The following OLAH variants were observed in gnomAD, a reference collection of about 807,000 sequenced individuals.
OLAH encodes the protein oleoyl-ACP hydrolase, also known as S-acyl fatty acid synthase thioesterase, medium chain.
Under a neutral mutation model 27.8 loss-of-function variants are expected in OLAH, and 33 were observed. The ratio of observed to expected loss-of-function variants is 1.19; its 90% CI spans 0.90 to 1.59. The LOEUF is 1.59. Among genes scored for constraint, OLAH ranks in the 40% most tolerant of loss-of-function variants. OLAH has a pLI of 0.00. For missense variants in OLAH, 359 were observed against 310.8 expected (o/e 1.16, Z -1.17); for synonymous variants, 120 against 102.9 (o/e 1.17, Z -1.01).
intron 6 of OLAH, among the ~76,000 whole-genome samples, chr10:15,067,450 A>G (rs180804518): frequency 1.3e-5 from 2 of 152,324 alleles, no homozygotes; most frequent in East Asian, 3.9e-4. Context: ...CTGGCACACA[A>G]CAAACCATGA....
At chr10:15,032,807 G>A (rs972279494) in intron 1 of OLAH, among the ~76,000 whole-genome samples, 5 of 152,116 alleles carry the variant, frequency 3.3e-5, no homozygotes, top group African/African-American at 9.7e-5. Context: ...AATGAAATCT[G>A]GCCCCATATT....
exon 1 of OLAH, chr10:15,032,313 C>T (rs372734154): frequency 2.6e-5 from 4 of 152,188 alleles, no homozygotes; most frequent in African/African-American, 7.2e-5. Context: ...GCTCCTCAGC[C>T]TGCAGATGGC....
chr10:15,054,191 C>T (rs569922512), intron 3 of OLAH, among the ~76,000 whole-genome samples: 23 of 152,190 alleles, frequency 1.5e-4, no homozygotes, highest in Middle Eastern at 6.8e-3. Context: ...CAGGAGCCTG[C>T]CACCATGCCC....
intron 6 of OLAH, among the ~76,000 whole-genome samples, chr10:15,066,608 TA>T (rs1361349315): frequency 0.013 from 146 of 10,958 alleles, 1 homozygote; most frequent in African/African-American, 0.07. Flanking sequence ...ATTTTTATTT[TA>T]TTTATTTATT....
At chr10:15,059,789 G>A (rs549920534) in intron 3 of OLAH, among the ~76,000 whole-genome samples, 1 of 152,282 alleles carries the variant, frequency 6.6e-6, no homozygotes, top group African/African-American at 2.4e-5. Context: ...CTGAGAAAGA[G>A]TGCAAGACTC....
chr10:15,043,216 C>T (rs138914893), upstream of OLAH, among the ~76,000 whole-genome samples: 35 of 152,122 alleles, frequency 2.3e-4, 1 homozygote, highest in East Asian at 6.4e-3. Context: ...TTTTTTTAAT[C>T]TTCAAAATAG....
In OLAH at chr10:15,061,765, G is replaced by C; in HGVS notation, c.205G>C (p.Glu69Gln). The change falls in exon 4 of 8, where the codon GAA becomes CAA. Residue 69 changes from glutamate to glutamine, a missense_variant. By Grantham distance (29) the Glu-to-Gln change is conservative. Transcript: ENST00000378228. ...RLPGRESRVEEPLENDISQLV... is the reference protein window; with the variant it reads ...RLPGRESRVEQPLENDISQLV... ...TCCTGGAAGAGAAAGCAGAGTTGAA[G>C]AACCTCTTGAAAATGACATCTCCCA... 6.2e-7 allele frequency: 1 copy of C among 1,613,636 alleles called. No homozygotes were observed. The highest frequency in any genetic ancestry group is 8.5e-7 in the Non-Finnish European group (1 of 1,179,820).
At chr10:15,062,398 A>C (rs1844385658) in intron 4 of OLAH, among the ~76,000 whole-genome samples, 1 of 152,102 alleles carries the variant, frequency 6.6e-6, no homozygotes, top group African/African-American at 2.4e-5. Context: ...GGTCAAGCAG[A>C]AATTGAAAAA....
intron 3 of OLAH, among the ~76,000 whole-genome samples, chr10:15,052,635 G>C (rs534082681): frequency 1.4e-5 from 2 of 146,660 alleles, no homozygotes; most frequent in Non-Finnish European, 3.0e-5. Context: ...TTTACTGTTT[G>C]TTGTCTTGCT....
intron 1 of OLAH, among the ~76,000 whole-genome samples, chr10:15,035,951 G>C (rs1843835028): frequency 6.6e-6 from 1 of 152,090 alleles, no homozygotes; most frequent in Non-Finnish European, 1.5e-5. Context: ...AAGAAACCCA[G>C]GCCCAGAATG....
At chr10:15,052,648 A>C (rs745701513) in intron 3 of OLAH, among the ~76,000 whole-genome samples, 1 of 125,344 alleles carries the variant, frequency 8.0e-6, no homozygotes. Flanking sequence ...GTCTTGCTTC[A>C]GATTTTGTTA....
chr10:15,053,279 A>G (rs1390260388), intron 3 of OLAH, among the ~76,000 whole-genome samples: 1 of 152,052 alleles, frequency 6.6e-6, no homozygotes, highest in East Asian at 1.9e-4. Flanking sequence ...ATAATTAGTC[A>G]CCGCCGGTTC....
Position 15,049,654 on chromosome 10 carries a change from T to C in OLAH, c.52T>C (p.Cys18Arg). ...KRTRNENIFN[C>R]LYKNPEATFK... ...CCCTAGGAATGAAAACATTTTCAAC[T>C]GCTTATACAAAAACCCTGAGGCAAC... Residue 18 changes from cysteine to arginine, a missense_variant, in exon 3 of 8, where the codon TGC becomes CGC. Transcript: ENST00000378228. 4 of 1,592,084 alleles carry C rather than the reference T, an allele frequency of 2.5e-6. No individual in the cohort carries two copies. Among genetic ancestry groups the C allele is most frequent in the Non-Finnish European group, 3.4e-6 (4 of 1,172,434 alleles).
intron 4 of OLAH, among the ~76,000 whole-genome samples, chr10:15,064,160 T>A (rs1326204): frequency 1.3e-5 from 2 of 152,110 alleles, no homozygotes; most frequent in Admixed American, 6.6e-5. Flanking sequence ...GAAATTTAAA[T>A]TAATTTGAAG....
intron 7 of OLAH, 90 bp downstream of exon 7, chr10:15,071,967 C>A: frequency 1.1e-6 from 1 of 900,542 alleles, no homozygotes; most frequent in Non-Finnish European, 1.8e-6. Context: ...AGAGTCTCGC[C>A]CTGTCACCCA....
chr10:15,053,065 T>G (rs939549963), intron 3 of OLAH, among the ~76,000 whole-genome samples: 1 of 152,086 alleles, frequency 6.6e-6, no homozygotes, highest in African/African-American at 2.4e-5. Context: ...TCTAACATTT[T>G]AATGCAACTA....
intron 3 of OLAH, among the ~76,000 whole-genome samples, chr10:15,061,281 G>A (rs897895460): frequency 3.9e-5 from 6 of 152,142 alleles, no homozygotes; most frequent in Admixed American, 6.6e-5. Flanking sequence ...TTTTCACAGA[G>A]GGTCTAGAAT....
At chr10:15,068,310 G>T (rs1468020289) in intron 6 of OLAH, among the ~76,000 whole-genome samples, 1 of 152,088 alleles carries the variant, frequency 6.6e-6, no homozygotes, top group Non-Finnish European at 1.5e-5. Flanking sequence ...CAACATCTGG[G>T]TCTTATCTGT....
chr10:15,038,085 T>C (rs1843869330), intron 1 of OLAH, among the ~76,000 whole-genome samples: 1 of 152,204 alleles, frequency 6.6e-6, no homozygotes, highest in Admixed American at 6.5e-5. Flanking sequence ...GGAGATCACT[T>C]TGGAGTTTTA....
Sources: gnomAD v4.1 joint callset for allele counts (sites outside exome capture counted in the v4.1 genomes callset) on GRCh38, gnomAD v4.1.1 for gene constraint, MANE v1.5 for transcripts, NCBI Gene and HGNC (gene_info 2026-07-23, HGNC 2026-07-21) for gene names.